Variants in PGAP4 observed in about 807,000 individuals in gnomAD.
The protein encoded by PGAP4 is post-GPI attachment to proteins GalNAc transferase 4.
Under a neutral mutation model 28.2 loss-of-function variants are expected in PGAP4, and 12 were observed. That is an observed-to-expected ratio of 0.42 (90% CI 0.27 to 0.69). PGAP4 has a LOEUF of 0.69. Ranked by LOEUF, PGAP4 falls within the 30% of genes least tolerant of loss-of-function variation. The probability of loss-of-function intolerance (pLI) is 0.22; values close to 1 mark genes in which losing one functional copy is unlikely to be tolerated. For missense variants in PGAP4, 425 were observed against 513.5 expected, an observed-to-expected ratio of 0.83 and a Z score of 1.67; for synonymous variants, 205 against 211.8, an observed-to-expected ratio of 0.97 and a Z score of 0.28.
At chr9:101,508,174 G>A (rs1262382006) in intron 2 of PGAP4, among the ~76,000 whole-genome samples, 1 of 139,634 alleles carries the variant, frequency 7.2e-6, no homozygotes, top group East Asian at 2.1e-4. Flanking sequence ...AGATCAGGAA[G>A]AAAACTTTTG....
At chr9:101,504,014 G>A (rs1036830950) in intron 2 of PGAP4, among the ~76,000 whole-genome samples, 7 of 151,664 alleles carry the variant, frequency 4.6e-5, no homozygotes, top group African/African-American at 1.7e-4. Flanking sequence ...TCAAAGGAAG[G>A]AAGACAATCC....
At chr9:101,495,672 A>G (rs61685305) in intron 2 of PGAP4, among the ~76,000 whole-genome samples, 16,389 of 150,066 alleles carry the variant, frequency 0.11, 1,025 homozygotes, top group African/African-American at 0.16. Flanking sequence ...AAGACTTAAA[A>G]AAATAGAGTT....
chr9:101,477,212 A>AAACAAACG, intron 1 of PGAP4, 43 bp from the exon 2 acceptor site: 1 of 1,174,878 alleles, frequency 8.5e-7, no homozygotes, highest in South Asian at 1.9e-5. Context: ...TAACTTAAAA[A>AAACAAACG]AACAAACAAA....
At chr9:101,479,001 G>C (rs1179868299) in intron 1 of PGAP4, among the ~76,000 whole-genome samples, 2 of 152,234 alleles carry the variant, frequency 1.3e-5, no homozygotes, top group African/African-American at 4.8e-5. Context: ...TTCAGCCACA[G>C]AAGCAGATTG....
intron 2 of PGAP4, among the ~76,000 whole-genome samples, chr9:101,496,606 T>G (rs1826752200): frequency 1.3e-5 from 2 of 151,412 alleles, no homozygotes; most frequent in Non-Finnish European, 3.0e-5. Flanking sequence ...CCACAAAAAT[T>G]TTTAAATACA....
At chr9:101,517,454 A>G (rs542150725) in intron 2 of PGAP4, among the ~76,000 whole-genome samples, 4 of 152,204 alleles carry the variant, frequency 2.6e-5, no homozygotes, top group Non-Finnish European at 4.4e-5. Context: ...AAAGGATGTG[A>G]GAACATGCTA....
At chr9:101,506,275 T>C in intron 2 of PGAP4, among the ~76,000 whole-genome samples, 1 of 152,104 alleles carries the variant, frequency 6.6e-6, no homozygotes, top group East Asian at 1.9e-4. Flanking sequence ...TCTCACCCAA[T>C]TTTGGTAGAC....
At chr9:101,521,079 T>C (rs1330899381) in intron 2 of PGAP4, among the ~76,000 whole-genome samples, 1 of 152,200 alleles carries the variant, frequency 6.6e-6, no homozygotes, top group Non-Finnish European at 1.5e-5. Context: ...CATTTGATCA[T>C]GGTGGATTAT....
At chr9:101,531,740 C>A (rs1298537498) in intron 1 of PGAP4, among the ~76,000 whole-genome samples, 1 of 152,102 alleles carries the variant, frequency 6.6e-6, no homozygotes, top group East Asian at 1.9e-4. Flanking sequence ...TATATGGATA[C>A]ATGAAAAAAA....
At chr9:101,520,884 T>C (rs765818823) in intron 2 of PGAP4, among the ~76,000 whole-genome samples, 29 of 150,994 alleles carry the variant, frequency 1.9e-4, no homozygotes, top group Non-Finnish European at 3.6e-4. Flanking sequence ...TACATTAAGG[T>C]ATGTCCCTTG....
chr9:101,487,715 A>G (rs528977037), upstream of PGAP4, among the ~76,000 whole-genome samples: 16 of 152,326 alleles, frequency 1.1e-4, no homozygotes, highest in East Asian at 2.5e-3. Context: ...TAGCAACTAC[A>G]GTTTGCTGCC....
In PGAP4 at chr9:101,494,506, C is replaced by T. The variant is rs139853551; in HGVS notation, c.-164-5306G>A. Among the ~76,000 whole-genome samples the T allele has an allele frequency of 5.4e-3, 826 of 151,844 alleles. 7 individuals carry two copies. Among genetic ancestry groups the T allele is most frequent in the African/African-American group, 0.019 (776 of 41,498 alleles). ...AAATAAAAGTCATAAGAACATTATTCGTATCAATTATTCAATTTCATGAAA... is the reference window on the plus strand; with the variant it reads ...AAATAAAAGTCATAAGAACATTATTTGTATCAATTATTCAATTTCATGAAA... On this transcript the variant is annotated intron_variant, in intron 2 of 3. Coordinates refer to the PGAP4 transcript ENST00000374851.
intron 2 of PGAP4, among the ~76,000 whole-genome samples, chr9:101,517,914 A>T (rs1318685852): frequency 6.6e-6 from 1 of 152,082 alleles, no homozygotes; most frequent in East Asian, 1.9e-4. Flanking sequence ...GATTCAAGAG[A>T]TGTATGTGCA....
chr9:101,522,535 C>T (rs1826997787), intron 2 of PGAP4, among the ~76,000 whole-genome samples: 1 of 152,086 alleles, frequency 6.6e-6, no homozygotes, highest in Non-Finnish European at 1.5e-5. Flanking sequence ...AATAGCTACC[C>T]CTGCTCACTT....
In PGAP4 at chr9:101,494,866, ACACCAGGAC is replaced by A. The variant is rs1826724412; in HGVS notation, c.-164-5675_-164-5667del. 1.3e-5 allele frequency among the ~76,000 whole-genome samples: 2 copies of A among 151,394 alleles called. 1 individual carries two copies. Among genetic ancestry groups the A allele is most frequent in the South Asian group, 4.1e-4 (2 of 4,822 alleles). On this transcript the variant is annotated intron_variant, in intron 2 of 3. Transcript: ENST00000374851. ...AACCAGAATCAGGACTGACAGCATT[ACACCAGGAC>A]CATTAGACTTTTATAAATTTTATAT...
At chr9:101,508,352 G>A (rs993754659) in intron 2 of PGAP4, among the ~76,000 whole-genome samples, 5 of 151,946 alleles carry the variant, frequency 3.3e-5, no homozygotes, top group South Asian at 2.1e-4. Flanking sequence ...TCATAACTTC[G>A]GAATGCTTTG....
chr9:101,476,157 A>T lies in PGAP4; in HGVS notation c.936T>A (p.Tyr312Ter). Residue 312 changes from tyrosine (Y) to a stop codon, truncating the protein, a stop_gained, in exon 2 of 2, where the codon TAT (tyrosine) becomes TAA (stop). Transcript: ENST00000374848. LOFTEE classifies it high-confidence loss of function. This position sits in a 1 kb window ranked among gnomAD's most constrained non-coding sequence, Gnocchi z 7.0. ...MGLVELVGRH[Y>*]FLELRRLSPS... ...GACTCAGCCGCCGCAGTTCCAGGAA[A>T]TAGTGCCGACCCACCAGCTCCACCA... 4.3e-6 allele frequency: 7 copies of T among 1,614,168 alleles called. No individual in the cohort carries two copies. The highest frequency in any genetic ancestry group is 5.9e-6 in the Non-Finnish European group (7 of 1,180,028).
At chr9:101,516,555 T>A (rs66786600) in intron 2 of PGAP4, among the ~76,000 whole-genome samples, 13,855 of 152,290 alleles carry the variant, frequency 0.091, 673 homozygotes, top group Middle Eastern at 0.14. Context: ...TCAATTTCAA[T>A]GATAAGTGGC....
Position 101,476,310 on chromosome 9 carries a change from C to T in PGAP4, c.783G>A (p.Arg261=). The T allele has an allele frequency of 6.2e-7, 1 of 1,614,152 alleles. No individual in the cohort carries two copies. Among genetic ancestry groups the T allele is most frequent in the Non-Finnish European group, 8.5e-7 (1 of 1,180,032 alleles). The change falls in exon 2 of 2, where the codon CGG becomes CGA. Residue 261 remains arginine, a synonymous_variant. Transcript: ENST00000374848. The surrounding 1 kb of genome is among the most constrained non-coding windows in gnomAD (Gnocchi z 7.0). ...TGCCTACACCAACCCATTCCAGGATCCGCATGGGCTCTGGATTGATGTAGT... is the reference window on the plus strand; with the variant it reads ...TGCCTACACCAACCCATTCCAGGATTCGCATGGGCTCTGGATTGATGTAGT... The part of the protein sequence containing the change: ...LQHYINPEPM[R]ILEWVGVGML...
Sources: allele counts gnomAD v4.1 joint callset (sites outside exome capture counted in the v4.1 genomes callset), GRCh38; gene constraint gnomAD v4.1.1; non-coding constraint Gnocchi (gnomAD v3.1); transcripts MANE v1.5; gene names NCBI Gene and HGNC (gene_info 2026-07-23, HGNC 2026-07-21).